Variants in DHX9 observed in about 807,000 individuals in gnomAD.
DHX9 encodes the protein ATP-dependent RNA helicase A.
A neutral mutation model predicts 148.7 loss-of-function variants in DHX9; 27 were observed. The observed-to-expected ratio is 0.18, with a 90% CI of 0.13 to 0.25. The LOEUF is 0.25. Ranked by LOEUF, DHX9 falls within the 10% of genes least tolerant of loss-of-function variation. The pLI is 1.00. For missense variants in DHX9, 796 were observed against 1,559.6 expected (o/e 0.51, Z 8.25); for synonymous variants, 529 against 516.6 (o/e 1.02, Z -0.33).
Position 182,879,334 on chromosome 1 carries a change from A to T in DHX9, c.2436A>T (p.Gly812=). 6.4e-7 allele frequency: 1 copy of T among 1,551,100 alleles called. No individual in the cohort carries two copies. The highest frequency in any genetic ancestry group is 1.2e-5 in the South Asian group (1 of 84,198). Residue 812 remains glycine (G), a synonymous_variant, in exon 21 of 28, where the codon GGA becomes GGT. Transcript: ENST00000367549. ...ALSIKLLRLG[G]IGQFLAKAIE... ...GCATAAAACTTCTGCGTCTAGGAGGAATTGGCCAATTTCTGGCCAAAGCAA... is the reference window on the plus strand; with the variant it reads ...GCATAAAACTTCTGCGTCTAGGAGGTATTGGCCAATTTCTGGCCAAAGCAA...
At chr1:182,885,704 T>G (rs191059589) in intron 27 of DHX9, among the ~76,000 whole-genome samples, 3 of 152,312 alleles carry the variant, frequency 2.0e-5, no homozygotes, top group Admixed American at 2.0e-4. Flanking sequence ...CAGGCACAGA[T>G]AAGACCCAAG....
chr1:182,843,153 CTTATTT>C (rs1463868060), intron 2 of DHX9, 135 bp from the exon 3 acceptor site: 11 of 538,238 alleles, frequency 2.0e-5, no homozygotes, highest in Middle Eastern at 5.4e-4. Flanking sequence ...CATGCATTCT[CTTATTT>C]TTATATTTAT....
At chr1:182,846,917 T>G (rs781224216) in intron 3 of DHX9, among the ~76,000 whole-genome samples, 13 of 152,018 alleles carry the variant, frequency 8.6e-5, no homozygotes, top group African/African-American at 3.1e-4. Flanking sequence ...TATCATTTTT[T>G]CCACTGTTTC....
chr1:182,863,741 A>G (rs1046489572), intron 12 of DHX9, among the ~76,000 whole-genome samples: 1 of 152,212 alleles, frequency 6.6e-6, no homozygotes, highest in South Asian at 2.1e-4. Flanking sequence ...TTCCCACACA[A>G]AATGCCTGTC....
chr1:182,841,071 C>T (rs1452050795), intron 1 of DHX9, among the ~76,000 whole-genome samples: 3 of 152,100 alleles, frequency 2.0e-5, no homozygotes, highest in African/African-American at 7.2e-5. Flanking sequence ...GCGGGCCGAT[C>T]AAGAGGTCAG....
At position 182,859,974 on chromosome 1, in the gene DHX9, T is replaced by C. The variant is rs370031734; in HGVS notation, c.1141-19T>C. ...TGTGTTGGTAGACATTTGACTGAAG[T>C]GTGACTTTTCTAATGCAGATCTTGC... On this transcript the variant is annotated intron_variant, in intron 11 of 27. Coordinates refer to ENST00000367549, the MANE Select transcript of DHX9 (RefSeq NM_001357.5). 3.8e-6 allele frequency: 6 copies of C among 1,595,862 alleles called. No homozygotes were observed. In the Middle Eastern group the frequency reaches 5.8e-4, roughly 155 times the overall value.
chr1:182,876,790 TAAG>T (rs779077987), intron 18 of DHX9, 37 bp from the exon 19 acceptor site: 37 of 1,467,674 alleles, frequency 2.5e-5, no homozygotes, highest in African/African-American at 1.7e-4. Flanking sequence ...AAGTAACTAA[TAAG>T]AATATTTTCT....
chr1:182,873,482 A>G lies in DHX9; in HGVS notation c.1714+989A>G, dbSNP rs115184395. Among the ~76,000 whole-genome samples the G allele has an allele frequency of 1.8e-3, 274 of 152,342 alleles. 1 individual carries two copies. Among genetic ancestry groups the G allele is most frequent in the African/African-American group, 6.4e-3 (265 of 41,576 alleles). ...AAACTGCTGTACATGTGTACTGGAA[A>G]TGCCATACAAGTAAATGGATGGCAA... On this transcript the variant is annotated intron_variant, in intron 15 of 27. Coordinates refer to ENST00000367549, the MANE Select transcript of DHX9 (RefSeq NM_001357.5).
intron 3 of DHX9, among the ~76,000 whole-genome samples, chr1:182,851,522 T>A (rs1557966095): frequency 6.6e-6 from 1 of 152,180 alleles, no homozygotes; most frequent in Non-Finnish European, 1.5e-5. Context: ...AATCAGAAAT[T>A]GCTGAATTAG....
At chr1:182,859,000 A>G in intron 10 of DHX9, 40 bp from the exon 11 acceptor site, 1 of 1,611,980 alleles carries the variant, frequency 6.2e-7, no homozygotes, top group Non-Finnish European at 8.5e-7. Context: ...AAGCTGAATT[A>G]TGTGCTTTTG....
In DHX9 at chr1:182,858,804, A is replaced by G. The variant is rs555173310; in HGVS notation, c.972A>G (p.Gln324=). 18 of 1,614,166 alleles carry G rather than the reference A, an allele frequency of 1.1e-5. No individual in the cohort carries two copies. Among genetic ancestry groups the G allele is most frequent in the South Asian group, 3.3e-5 (3 of 91,088 alleles). ...KLAQFEPSQR[Q]NQVGVVPWSP... ...CTCAGTTCGAACCATCTCAGCGACAAAACCAAGTGGGTGTGGTTCCTTGGT... is the reference window on the plus strand; with the variant it reads ...CTCAGTTCGAACCATCTCAGCGACAGAACCAAGTGGGTGTGGTTCCTTGGT... The change falls in exon 10 of 28, where the codon CAA becomes CAG. Residue 324 remains glutamine (Q), a synonymous_variant. Coordinates refer to ENST00000367549, the MANE Select transcript of DHX9 (RefSeq NM_001357.5).
At chr1:182,882,499 C>T (rs1649129255) in intron 24 of DHX9, among the ~76,000 whole-genome samples, 1 of 152,160 alleles carries the variant, frequency 6.6e-6, no homozygotes, top group African/African-American at 2.4e-5. Context: ...TTAAGAGTAG[C>T]AGATAAATAC....
intron 3 of DHX9, among the ~76,000 whole-genome samples, chr1:182,847,240 T>C (rs1668048480): frequency 6.6e-6 from 1 of 152,254 alleles, no homozygotes; most frequent in African/African-American, 2.4e-5. Context: ...GTATATTTTC[T>C]TGAGGTTGGA....
At chr1:182,848,025 A>G (rs181469385) in intron 3 of DHX9, among the ~76,000 whole-genome samples, 4 of 152,150 alleles carry the variant, frequency 2.6e-5, no homozygotes, top group Admixed American at 6.5e-5. Context: ...TGGATTTCCT[A>G]CTTTCTTCCT....
intron 19 of DHX9, chr1:182,877,131 T>C: frequency 2.2e-6 from 1 of 446,510 alleles, no homozygotes. Context: ...CTGTAACTGA[T>C]GATTACTTCT....
chr1:182,862,620 T>C (rs1027645860), intron 12 of DHX9, among the ~76,000 whole-genome samples: 17 of 152,350 alleles, frequency 1.1e-4, no homozygotes, highest in African/African-American at 3.6e-4. Context: ...TTTTGTAGTA[T>C]CTAGTGCATT....
In DHX9 at chr1:182,879,401, A is replaced by G; in HGVS notation, c.2503A>G (p.Thr835Ala). 6.6e-7 allele frequency: 1 copy of G among 1,511,388 alleles called. No homozygotes were observed. The highest frequency in any genetic ancestry group is 9.0e-7 in the Non-Finnish European group (1 of 1,111,834). 93.6% of individuals were successfully genotyped at this position (1,511,388 alleles called of 1,614,324 possible). A position where few individuals can be genotyped will look rare whatever the true frequency, so the allele number is the denominator to read the frequency against. The change falls in exon 21 of 28, where the codon ACT (threonine) becomes GCT (alanine). Residue 835 changes from threonine to alanine, a missense_variant. By Grantham distance (58) the Thr-to-Ala change is moderately conservative (BLOSUM62 0). Around this residue, in one of 14 missense-constraint regions of DHX9, gnomAD observed 122 missense variants for 289.3 expected, o/e 0.42. Transcript: ENST00000367549. The part of the protein sequence containing the change: ...PLDAVIEAEH[T>A]LRELDALDAN... ...GGATGCTGTGATTGAAGCAGAACAC[A>G]CTCTTAGAGGTACTTACAAATACAA...
At chr1:182,841,522 T>C (rs759769050) in intron 1 of DHX9, among the ~76,000 whole-genome samples, 1 of 152,242 alleles carries the variant, frequency 6.6e-6, no homozygotes, top group Non-Finnish European at 1.5e-5. Context: ...TTTTTGTTAA[T>C]AGGACATTCC....
At position 182,866,591 on chromosome 1, in the gene DHX9, TA is replaced by T; in HGVS notation, c.1474+8del. On this transcript the variant is annotated splice_region_variant and intron_variant, in intron 13 of 27. Transcript: ENST00000367549. ...TATAATGTTTTGTACTGTAGGTCAG[TA>T]ATGTATTTTGATTTTTCATTTGGGG... 1 of 1,607,384 alleles carries T rather than the reference TA, an allele frequency of 6.2e-7. No homozygotes were observed.
Sources: gnomAD v4.1 joint callset for allele counts (sites outside exome capture counted in the v4.1 genomes callset) on GRCh38, gnomAD v4.1.1 for gene constraint, gnomAD v4.1.1 regional missense constraint, MANE v1.5 for transcripts, NCBI Gene and HGNC (gene_info 2026-07-23, HGNC 2026-07-21) for gene names.